Variants in EML6 observed in about 807,000 individuals in gnomAD.
EML6 encodes EMAP like 6, also known as echinoderm microtubule-associated protein-like 6.
In EML6, 154 loss-of-function variants were observed where a neutral mutation model predicts 240.1. The observed-to-expected ratio is 0.64, with a 90% CI of 0.56 to 0.73. EML6 has a LOEUF of 0.73. Among genes scored for constraint, EML6 ranks in the 30% least tolerant of loss-of-function variants. EML6 has a pLI of 0.00. For synonymous variants in EML6, 1,148 were observed against 899.0 expected, an observed-to-expected ratio of 1.28 and a Z score of -4.95; for missense variants, 2,964 against 2,474.6, an observed-to-expected ratio of 1.20 and a Z score of -4.20.
rs2104191263 is a variant in EML6, at chr2:54,899,799, T to C, written c.3124+17T>C. 3 of 1,543,634 alleles carry C rather than the reference T, an allele frequency of 1.9e-6. No homozygotes were observed. Among genetic ancestry groups the C allele is most frequent in the Middle Eastern group, 1.7e-4 (1 of 5,966 alleles). ...TCAAAAAAGGTACATAACACCACCT[T>C]ACACATCTGTCAGAGTATTTACAAG... is the stretch of plus-strand genomic sequence containing the variant. On this transcript the variant is annotated intron_variant, in intron 22 of 41. Transcript: ENST00000356458.
At chr2:54,889,177 T>C (rs1672320389) in intron 17 of EML6, among the ~76,000 whole-genome samples, 1 of 152,234 alleles carries the variant, frequency 6.6e-6, no homozygotes. Flanking sequence ...ACAGGTACTA[T>C]ACTGTTTTAA....
chr2:54,923,381 A>G (rs936855034), intron 26 of EML6, among the ~76,000 whole-genome samples: 9 of 151,350 alleles, frequency 5.9e-5, no homozygotes, highest in African/African-American at 1.9e-4. Context: ...ACACACACAC[A>G]CACACACACA....
chr2:54,758,261 G>C (rs1022503149), intron 2 of EML6, among the ~76,000 whole-genome samples: 11 of 152,084 alleles, frequency 7.2e-5, no homozygotes, highest in South Asian at 2.1e-4. Context: ...TGTCTTGCTT[G>C]CTGTGTCTCC....
chr2:54,919,456 T>A (rs1427944907), intron 26 of EML6, among the ~76,000 whole-genome samples: 1 of 152,220 alleles, frequency 6.6e-6, no homozygotes, highest in Non-Finnish European at 1.5e-5. Context: ...TGTTAATAAC[T>A]GATTAGGTTA....
intron 12 of EML6, among the ~76,000 whole-genome samples, chr2:54,862,658 A>G (rs1251362384): frequency 2.0e-5 from 3 of 152,196 alleles, no homozygotes; most frequent in Non-Finnish European, 4.4e-5. Context: ...ATAAAGCCAA[A>G]TCTAGGAAGC....
At chr2:54,964,188 G>A (rs916655045) in intron 37 of EML6, 30 bp downstream of exon 37, 2 of 1,545,328 alleles carry the variant, frequency 1.3e-6, no homozygotes, top group Non-Finnish European at 1.7e-6. Context: ...GGGCATGGAG[G>A]AGAAAGGCAA....
At chr2:54,870,912 C>G (rs1671224125) in intron 15 of EML6, among the ~76,000 whole-genome samples, 1 of 152,180 alleles carries the variant, frequency 6.6e-6, no homozygotes, top group South Asian at 2.1e-4. Flanking sequence ...CCACCCCCCA[C>G]TACATATTAC....
At chr2:54,874,436 G>C (rs1041931286) in intron 16 of EML6, among the ~76,000 whole-genome samples, 17 of 152,188 alleles carry the variant, frequency 1.1e-4, no homozygotes, top group Non-Finnish European at 2.1e-4. Context: ...TTGTGCATAA[G>C]AAGGGTATTT....
chr2:54,957,239 A>G (rs1019651646), intron 32 of EML6, among the ~76,000 whole-genome samples: 35 of 152,180 alleles, frequency 2.3e-4, no homozygotes, highest in African/African-American at 7.5e-4. Flanking sequence ...CTCAGGAGAC[A>G]TAAATAAATG....
At chr2:54,797,164 CA>C (rs773498648) in intron 2 of EML6, among the ~76,000 whole-genome samples, 6,259 of 43,336 alleles carry the variant, frequency 0.14, 105 homozygotes, top group East Asian at 0.36. Context: ...GACTCCATCT[CA>C]AAAAAAAAAA....
intron 2 of EML6, among the ~76,000 whole-genome samples, chr2:54,803,724 T>C (rs1334740741): frequency 6.6e-6 from 1 of 152,132 alleles, no homozygotes; most frequent in Non-Finnish European, 1.5e-5. Flanking sequence ...CTTAAATAAG[T>C]GGCCAGTTTT....
chr2:54,858,308 T>G (rs946907971), intron 11 of EML6, among the ~76,000 whole-genome samples: 2 of 152,244 alleles, frequency 1.3e-5, no homozygotes, highest in African/African-American at 2.4e-5. Context: ...GATGTCAGCT[T>G]CACTTTTGCC....
intron 3 of EML6, 119 bp downstream of exon 3, chr2:54,813,510 C>A: frequency 1.2e-6 from 1 of 865,566 alleles, no homozygotes; most frequent in Non-Finnish European, 1.8e-6. Context: ...CTGGCACAGC[C>A]TCCTAGAATT....
chr2:54,888,522 C>T (rs1024970677), intron 17 of EML6, among the ~76,000 whole-genome samples: 5 of 152,178 alleles, frequency 3.3e-5, no homozygotes, highest in Non-Finnish European at 5.9e-5. Context: ...TTTCATCCCT[C>T]CTCCCTCCTC....
intron 2 of EML6, among the ~76,000 whole-genome samples, chr2:54,785,076 G>T (rs1167453337): frequency 6.6e-6 from 1 of 151,870 alleles, no homozygotes; most frequent in African/African-American, 2.4e-5. Flanking sequence ...TTCACAGGGG[G>T]TCCCACAGTG....
intron 29 of EML6, among the ~76,000 whole-genome samples, chr2:54,949,820 C>T (rs374466686): frequency 2.0e-5 from 3 of 152,254 alleles, no homozygotes; most frequent in African/African-American, 7.2e-5. Context: ...CTAGTGTTCT[C>T]GGAAGCTGCC....
chr2:54,968,686 T>G lies in EML6; in HGVS notation c.5770T>G (p.Phe1924Val). 2 of 1,550,924 alleles carry G rather than the reference T, an allele frequency of 1.3e-6. No individual in the cohort carries two copies. The highest frequency in any genetic ancestry group is 1.7e-6 in the Non-Finnish European group (2 of 1,146,284). Residue 1924 changes from phenylalanine to valine, a missense_variant, in exon 41 of 42, where the codon TTC becomes GTC. By Grantham distance (50) the Phe-to-Val change is conservative. Coordinates refer to ENST00000356458, the MANE Select transcript of EML6 (RefSeq NM_001039753.4). ...CTCACAGGCCAAACATAAGCGATAC[T>G]TCGGTCACTCGGCTCACGTGACGAA... is the stretch of plus-strand genomic sequence containing the variant. ...TEKFAKHKRYFGHSAHVTNIR... is the reference protein window; with the variant it reads ...TEKFAKHKRYVGHSAHVTNIR...
chr2:54,843,614 G>T (rs1669579368), intron 7 of EML6, among the ~76,000 whole-genome samples: 1 of 152,088 alleles, frequency 6.6e-6, no homozygotes, highest in African/African-American at 2.4e-5. Flanking sequence ...GGAGTCCGAG[G>T]CGGGCGGATC....
At chr2:54,831,500 A>C (rs561059156) in intron 7 of EML6, among the ~76,000 whole-genome samples, 2 of 152,094 alleles carry the variant, frequency 1.3e-5, no homozygotes, top group African/African-American at 4.8e-5. Flanking sequence ...GAGTTAGGAC[A>C]GTCAGCGACG....
Sources: allele counts gnomAD v4.1 joint callset (sites outside exome capture counted in the v4.1 genomes callset), GRCh38; gene constraint gnomAD v4.1.1; transcripts MANE v1.5; gene names NCBI Gene and HGNC (gene_info 2026-07-23, HGNC 2026-07-21).